MLST8: variants seen among roughly 807,000 people sequenced by gnomAD.
The protein encoded by MLST8 is MTOR associated protein MLST8.
Under a neutral mutation model 41.3 loss-of-function variants are expected in MLST8, and 20 were observed. That is an observed-to-expected ratio of 0.48 (90% CI 0.34 to 0.70). MLST8 has a LOEUF of 0.70. Among genes scored for constraint, MLST8 ranks in the 30% least tolerant of loss-of-function variants. The pLI is 0.01. For synonymous variants in MLST8, 243 were observed against 183.0 expected (o/e 1.33, Z -2.65); for missense variants, 422 against 454.3 (o/e 0.93, Z 0.65).
In MLST8 at chr16:2,209,068, G is replaced by C; in HGVS notation, c.*191G>C. 1 of 678,756 alleles carries C rather than the reference G, an allele frequency of 1.5e-6. No individual in the cohort carries two copies. The highest frequency in any genetic ancestry group is 2.5e-6 in the Non-Finnish European group (1 of 398,292). 42.0% of individuals were successfully genotyped at this position (678,756 alleles called of 1,614,324 possible). A position where few individuals can be genotyped will look rare whatever the true frequency, so the allele number is the denominator to read the frequency against. ...CCCAGTTGCTTATCCAGATGTGACA[G>C]AGCTCGACCCAAGCCAGGCTGCACA... On this transcript the variant is annotated 3_prime_UTR_variant, in exon 9 of 9. Coordinates refer to ENST00000569417, the MANE Select transcript of MLST8 (RefSeq NM_022372.6).
At chr16:2,207,976 A>G (rs2141375963) in intron 6 of MLST8, 1 of 441,384 alleles carries the variant, frequency 2.3e-6, no homozygotes, top group South Asian at 4.3e-5. Flanking sequence ...TCCAGGAAGG[A>G]GAATTTGAGT....
chr16:2,207,635 C>T, intron 6 of MLST8: 6 of 463,826 alleles, frequency 1.3e-5, no homozygotes, highest in Non-Finnish European at 2.3e-5. Flanking sequence ...CTGGTGACGG[C>T]TGACACACTC....
At chr16:2,208,157 G>C in intron 6 of MLST8, 53 bp from the exon 7 acceptor site, 3 of 1,543,302 alleles carry the variant, frequency 1.9e-6, no homozygotes, top group African/African-American at 1.4e-5. Flanking sequence ...ATCCTTCCCT[G>C]TGTCTCAGAC....
At position 2,209,404 on chromosome 16, in the gene MLST8, G is replaced by A. The variant is rs767222604; in HGVS notation, c.*527G>A. ...AAAAGCAGACCGACACGCAGATGTTGCTCGGGAAGCAGATGTCGATGCAGA... is the reference window on the plus strand; with the variant it reads ...AAAAGCAGACCGACACGCAGATGTTACTCGGGAAGCAGATGTCGATGCAGA... On this transcript the variant is annotated 3_prime_UTR_variant, in exon 9 of 9. Coordinates refer to ENST00000569417, the MANE Select transcript of MLST8 (RefSeq NM_022372.6). The A allele has an allele frequency of 5.0e-6, 8 of 1,613,726 alleles. No homozygotes were observed. Among genetic ancestry groups the A allele is most frequent in the Middle Eastern group, 1.6e-4 (1 of 6,084 alleles).
Position 2,209,013 on chromosome 16 carries a change from C to G in MLST8, c.*136C>G. On this transcript the variant is annotated 3_prime_UTR_variant, in exon 9 of 9. Coordinates refer to ENST00000569417, the MANE Select transcript of MLST8 (RefSeq NM_022372.6). ...TGGCCCCCTGTGGCGCCTTGACCTG[C>G]TGGGCCAGGCTGCCCTGGGACTCTC... 1.1e-6 allele frequency: 1 copy of G among 931,186 alleles called. No individual in the cohort carries two copies. Among genetic ancestry groups the G allele is most frequent in the Non-Finnish European group, 1.7e-6 (1 of 600,480 alleles). 57.7% of individuals were successfully genotyped at this position (931,186 alleles called of 1,614,324 possible).
At chr16:2,207,923 C>T (rs956778811) in intron 6 of MLST8, 2 of 352,626 alleles carry the variant, frequency 5.7e-6, no homozygotes, top group Non-Finnish European at 1.0e-5. Context: ...GTCTCTCTAG[C>T]TGGTGCCCTT....
In MLST8 at chr16:2,207,188, C is replaced by G. The variant is rs772218346; in HGVS notation, c.421-5C>G. 2.5e-6 allele frequency: 4 copies of G among 1,613,688 alleles called. No homozygotes were observed. In the South Asian group the frequency reaches 4.4e-5, roughly 18 times the overall value. On this transcript the variant is annotated splice_region_variant and splice_polypyrimidine_tract_variant and intron_variant, in intron 5 of 8. Coordinates refer to ENST00000569417, the MANE Select transcript of MLST8 (RefSeq NM_022372.6). ...GGGCCCTGCCTCACCACCCCTGCAC[C>G]CCAGGCAGAGCTCATCGTGGGTGAC...
rs754826479 is a variant in MLST8 at position 2,206,041 on chromosome 16, C to T, written c.-45C>T. 63 of 1,512,020 alleles carry T rather than the reference C, an allele frequency of 4.2e-5. No homozygotes were observed. The highest frequency in any genetic ancestry group is 1.1e-4 in the South Asian group (9 of 81,352). 93.7% of individuals were successfully genotyped at this position (1,512,020 alleles called of 1,614,324 possible). A position where few individuals can be genotyped will look rare whatever the true frequency, so the allele number is the denominator to read the frequency against. ...CATCCTTCTCTGCAGATGCTCTGAC[C>T]TTTGACCCCTGCCGTTCAGCTCTAG... On this transcript the variant is annotated 5_prime_UTR_variant, in exon 2 of 9. Transcript: ENST00000569417.
rs1262975820 is a variant in MLST8 at position 2,208,220 on chromosome 16, A to G, written c.584A>G (p.Tyr195Cys). The G allele has an allele frequency of 6.8e-6, 11 of 1,611,764 alleles. No homozygotes were observed. The highest frequency in any genetic ancestry group is 1.1e-5 in the South Asian group (1 of 90,908). ...CCTCCTGACCTCTAGGGAAACTGCT[A>G]TGTCTGGAATCTGACGGGGGGCATT... ...MAAVNSTGNC[Y>C]VWNLTGGIGD... Residue 195 changes from tyrosine (Y) to cysteine (C), a missense_variant, in exon 7 of 9, where the codon TAT becomes TGT. Coordinates refer to ENST00000569417, the MANE Select transcript of MLST8 (RefSeq NM_022372.6).
In MLST8 at chr16:2,209,245, C is replaced by T. The variant is rs1567283237; in HGVS notation, c.*368C>T. The T allele has an allele frequency of 8.1e-6, 8 of 985,174 alleles. No homozygotes were observed. Among genetic ancestry groups the T allele is most frequent in the African/African-American group, 1.6e-5 (1 of 61,786 alleles). The allele number at this position is 985,174 out of a possible 1,614,324, so 61.0% of individuals were successfully genotyped here. ...GGGCCTCGGTCCATAGAGAACACCA[C>T]CACCATGGCCAGGTGGAAGGGTTTA... On this transcript the variant is annotated 3_prime_UTR_variant, in exon 9 of 9. Transcript: ENST00000569417.
intron 6 of MLST8, 178 bp downstream of exon 6, chr16:2,207,523 TC>T (rs1337879704): frequency 9.7e-6 from 7 of 722,712 alleles, no homozygotes; most frequent in Non-Finnish European, 1.6e-5. Context: ...GATGGCTTAG[TC>T]CTGTCTGCAG....
chr16:2,205,712 T>TC, intron 1 of MLST8, 200 bp downstream of exon 1: 1 of 1,000,476 alleles, frequency 1.0e-6, no homozygotes, highest in Non-Finnish European at 1.2e-6. Context: ...CGCTCGGCTT[T>TC]CCCCGGCCCA....
At chr16:2,207,546 C>T (rs76258843) in intron 6 of MLST8, 24 of 616,170 alleles carry the variant, frequency 3.9e-5, no homozygotes, top group South Asian at 2.3e-4. Flanking sequence ...TCGGTCACTC[C>T]GCTTTCTGGA....
In MLST8 at chr16:2,208,846, G is replaced by A; in HGVS notation, c.950G>A (p.Cys317Tyr). Reference sequence around the variant, plus strand: ...GGCGGCCACCAGAAGGCTGTTGTCTGCCTGGCCTTCAATGACAGTGTGCTG... The same window carrying A: ...GGCGGCCACCAGAAGGCTGTTGTCTACCTGGCCTTCAATGACAGTGTGCTG... ...EYGGHQKAVV[C>Y]LAFNDSVLG Residue 317 changes from cysteine (C) to tyrosine (Y), a missense_variant, in exon 9 of 9, where the codon TGC becomes TAC. By Grantham distance (194) the Cys-to-Tyr change is radical (BLOSUM62 -2). Transcript: ENST00000569417. The A allele has an allele frequency of 1.2e-6, 2 of 1,613,702 alleles. No homozygotes were observed. The highest frequency in any genetic ancestry group is 1.7e-6 in the Non-Finnish European group (2 of 1,179,914).
intron 1 of MLST8, 191 bp from the exon 2 acceptor site, chr16:2,205,839 CG>C: frequency 8.1e-7 from 1 of 1,236,130 alleles, no homozygotes; most frequent in East Asian, 3.8e-5. Context: ...GTGCGTGGGG[CG>C]GGGATGGAGC....
intron 6 of MLST8, chr16:2,207,910 G>T (rs549946937): frequency 9.4e-6 from 3 of 318,674 alleles, no homozygotes; most frequent in East Asian, 1.2e-4. Context: ...CCTTTGTCAT[G>T]CTGTCTCTCT....
chr16:2,207,947 C>G (rs1458921284), intron 6 of MLST8: 2 of 394,010 alleles, frequency 5.1e-6, no homozygotes, highest in Admixed American at 4.2e-5. Flanking sequence ...CTGTCTACTT[C>G]CGTTGGCCAT....
chr16:2,205,706 C>A (rs1246793951), intron 1 of MLST8, 194 bp downstream of exon 1: 3 of 997,232 alleles, frequency 3.0e-6, no homozygotes, highest in East Asian at 1.1e-4. Flanking sequence ...CCGCAGCGCT[C>A]GGCTTTCCCC....
At chr16:2,205,703 GCT>G (rs1182701266) in intron 1 of MLST8, 191 bp downstream of exon 1, 1 of 995,894 alleles carries the variant, frequency 1.0e-6, no homozygotes, top group Admixed American at 6.1e-5. Flanking sequence ...CAGCCGCAGC[GCT>G]CGGCTTTCCC....
Sources: gnomAD v4.1 joint callset for allele counts on GRCh38, gnomAD v4.1.1 for gene constraint, MANE v1.5 for transcripts, NCBI Gene and HGNC (gene_info 2026-07-23, HGNC 2026-07-21) for gene names.